Variants in RNF213 observed in about 807,000 individuals in gnomAD.
The protein encoded by RNF213 is ring finger protein 213.
Under a neutral mutation model 514.4 loss-of-function variants are expected in RNF213, and 341 were observed. The ratio of observed to expected loss-of-function variants is 0.66; its 90% CI spans 0.61 to 0.73. RNF213 has a LOEUF of 0.73. Ranked by LOEUF, RNF213 falls within the 30% of genes least tolerant of loss-of-function variation. The pLI is 0.00. For synonymous variants in RNF213, 2,655 were observed against 2,658.2 expected (o/e 1.00, Z 0.04); for missense variants, 5,767 against 6,615.6 (o/e 0.87, Z 4.45).
intron 13 of RNF213, 78 bp downstream of exon 13, chr17:80,307,279 G>T: frequency 8.1e-7 from 1 of 1,234,330 alleles, no homozygotes; most frequent in South Asian, 1.2e-5. Context: ...AATTGGCCGT[G>T]ACCCACATGT....
chr17:80,346,351 CA>C lies in RNF213; in HGVS notation c.8021del (p.Asn2674IlefsTer12). On this transcript the variant is annotated frameshift_variant, in exon 29 of 68. Coordinates refer to ENST00000582970, the MANE Select transcript of RNF213 (RefSeq NM_001256071.3). LOFTEE classifies it high-confidence loss of function. The surrounding 1 kb of genome is among the most constrained non-coding windows in gnomAD (Gnocchi z 8.1). ...NAFLSKSSVS[K>X]NHTERDPVLW... ...CCTTTCTCTCCAAGTCCAGCGTCAG[CA>C]AAAATCACACCGAGAGAGATCCCGT... 3 of 1,613,640 alleles carry C rather than the reference CA, an allele frequency of 1.9e-6. No individual in the cohort carries two copies. Among genetic ancestry groups the C allele is most frequent in the Non-Finnish European group, 2.5e-6 (3 of 1,180,020 alleles).
intron 11 of RNF213, among the ~76,000 whole-genome samples, 168 bp from the exon 12 acceptor site, chr17:80,306,084 C>T (rs1460155916): frequency 1.3e-5 from 2 of 152,138 alleles, no homozygotes; most frequent in Non-Finnish European, 2.9e-5. Context: ...CCCGAGTCAG[C>T]CTCCCAAGTA....
chr17:80,328,312 T>G lies in RNF213; in HGVS notation c.3368-16T>G. The G allele has an allele frequency of 6.5e-7, 1 of 1,533,454 alleles. No homozygotes were observed. 95.0% of individuals were successfully genotyped at this position (1,533,454 alleles called of 1,614,324 possible). A position where few individuals can be genotyped will look rare whatever the true frequency, so the allele number is the denominator to read the frequency against. On this transcript the variant is annotated splice_polypyrimidine_tract_variant and intron_variant, in intron 19 of 67. Transcript: ENST00000582970. ...TTGCTGTATTGGGTTACTTTATTGG[T>G]GTTCTTATTTTCCAGGGGAAAAAAG... is the stretch of plus-strand genomic sequence containing the variant.
At chr17:80,386,537 T>TC in intron 62 of RNF213, 107 bp downstream of exon 62, 1 of 1,426,742 alleles carries the variant, frequency 7.0e-7, no homozygotes, top group Non-Finnish European at 9.8e-7. Flanking sequence ...AGACACTCAC[T>TC]CCTTCAGCCG....
chr17:80,349,781 C>T lies in RNF213; in HGVS notation c.9963C>T (p.Phe3321=), dbSNP rs770035773. The T allele has an allele frequency of 3.1e-6, 5 of 1,614,226 alleles. No individual in the cohort carries two copies. The highest frequency in any genetic ancestry group is 1.7e-6 in the Non-Finnish European group (2 of 1,180,036). Reference sequence around the variant, plus strand: ...TCTTAACTCTGTAGATCACCACTTTCTCCAGGCTGCTAACAAGTCACGACT... The same window carrying T: ...TCTTAACTCTGTAGATCACCACTTTTTCCAGGCTGCTAACAAGTCACGACT... ...RHAIFTEITT[F]SRLLTSHDCE... Residue 3321 remains phenylalanine, a synonymous_variant, in exon 30 of 68, where the codon TTC becomes TTT. Coordinates refer to ENST00000582970, the MANE Select transcript of RNF213 (RefSeq NM_001256071.3).
intron 36 of RNF213, among the ~76,000 whole-genome samples, chr17:80,355,637 G>GGA (rs1568123562): frequency 1.0e-4 from 2 of 19,844 alleles, no homozygotes; most frequent in Non-Finnish European, 8.7e-5. Context: ...GGGCTTACAG[G>GGA]GGAAGAAGCG....
intron 11 of RNF213, among the ~76,000 whole-genome samples, chr17:80,303,428 G>A (rs1181726265): frequency 1.3e-5 from 2 of 152,066 alleles, no homozygotes; most frequent in East Asian, 3.9e-4. Context: ...CAAAGACTGG[G>A]GACAGCAGAA....
rs115385914 is a variant in RNF213 at position 80,358,568 on chromosome 17, C to G, written c.11054+89C>G. 199 of 1,224,910 alleles carry G rather than the reference C, an allele frequency of 1.6e-4. No homozygotes were observed. The African/African-American group carries it at 2.8e-3, about 17-fold the overall frequency. 75.9% of individuals were successfully genotyped at this position (1,224,910 alleles called of 1,614,324 possible). On this transcript the variant is annotated intron_variant, in intron 37 of 67. Transcript: ENST00000582970. Reference sequence around the variant, plus strand: ...GCTCTCCCAAGTGCTGGGTGAAACGCAGCCCTCAACTTCAGAGCAACGTTG... The same window carrying G: ...GCTCTCCCAAGTGCTGGGTGAAACGGAGCCCTCAACTTCAGAGCAACGTTG...
intron 14 of RNF213, among the ~76,000 whole-genome samples, chr17:80,311,517 C>A (rs28528832): frequency 5.3e-5 from 8 of 152,158 alleles, no homozygotes; most frequent in Admixed American, 3.9e-4. Flanking sequence ...TCTAGTCACT[C>A]CTGTGCCCAG....
chr17:80,364,541 C>T lies in RNF213; in HGVS notation c.11859C>T (p.Phe3953=). The change falls in exon 42 of 68, where the codon TTC becomes TTT. Residue 3953 remains phenylalanine, a synonymous_variant. Transcript: ENST00000582970. ...ELQGLVTEHV[F]LLDKCLRENS... ...AGGGGCTGGTGACCGAGCACGTCTT[C>T]TTACTAGACAAGGTGAGTACTTGGG... 1 of 1,614,192 alleles carries T rather than the reference C, an allele frequency of 6.2e-7. No homozygotes were observed. Among genetic ancestry groups the T allele is most frequent in the East Asian group, 2.2e-5 (1 of 44,884 alleles).
intron 3 of RNF213, among the ~76,000 whole-genome samples, chr17:80,279,820 A>T (rs2044195550): frequency 6.6e-6 from 1 of 152,174 alleles, no homozygotes; most frequent in South Asian, 2.1e-4. Flanking sequence ...ACTCACTAAT[A>T]ATATCAAAAA....
chr17:80,322,274 C>A (rs1402799710), intron 17 of RNF213, among the ~76,000 whole-genome samples: 1 of 147,918 alleles, frequency 6.8e-6, no homozygotes, highest in African/African-American at 2.5e-5. Context: ...GGTCCTCCCA[C>A]TTTAGCCTCC....
chr17:80,307,260 G>A, intron 13 of RNF213, 59 bp downstream of exon 13: 2 of 1,495,270 alleles, frequency 1.3e-6, no homozygotes, highest in Non-Finnish European at 1.9e-6. Flanking sequence ...GGCTTCCTCT[G>A]ACCCCTATAA....
intron 46 of RNF213, chr17:80,371,645 G>C (rs1055938669): frequency 3.0e-5 from 13 of 431,576 alleles, no homozygotes; most frequent in African/African-American, 2.6e-4. Context: ...GACTATAAAG[G>C]GGTCCTGAAA....
At position 80,288,260 on chromosome 17, in the gene RNF213, A is replaced by G; in HGVS notation, c.707A>G (p.Asp236Gly). 1 of 1,613,274 alleles carries G rather than the reference A, an allele frequency of 6.2e-7. No homozygotes were observed. The highest frequency in any genetic ancestry group is 1.3e-5 in the African/African-American group (1 of 75,068). Residue 236 changes from aspartate (D) to glycine (G), a missense_variant, in exon 4 of 68, where the codon GAT becomes GGT. By Grantham distance (94) the Asp-to-Gly change is moderately conservative. Coordinates refer to ENST00000582970, the MANE Select transcript of RNF213 (RefSeq NM_001256071.3). This position sits in a 1 kb window ranked among gnomAD's most constrained non-coding sequence, Gnocchi z 4.9. ...GGTGAAGGCCATTCTAGGACTGAAG[A>G]TGCTGCCCAGGAGCTCCTGTTGCCT... ...SAGEGHSRTEDAAQELLLPES... is the reference protein window; with the variant it reads ...SAGEGHSRTEGAAQELLLPES...
intron 36 of RNF213, among the ~76,000 whole-genome samples, chr17:80,356,712 T>TG (rs2078839488): frequency 6.6e-6 from 1 of 152,260 alleles, no homozygotes; most frequent in Non-Finnish European, 1.5e-5. Flanking sequence ...TCCCAGCGCC[T>TG]GGGTTTTCCT....
chr17:80,344,553 C>A, intron 28 of RNF213, 125 bp from the exon 29 acceptor site: 1 of 1,039,250 alleles, frequency 9.6e-7, no homozygotes, highest in Non-Finnish European at 1.5e-6. Flanking sequence ...ATACAGAAAG[C>A]TACATATTTT....
intron 1 of RNF213, among the ~76,000 whole-genome samples, chr17:80,261,616 T>G (rs2145053382): frequency 6.6e-6 from 1 of 152,314 alleles, no homozygotes; most frequent in African/African-American, 2.4e-5. Context: ...GTGTCTGTGC[T>G]TGGGAAAAAA....
intron 14 of RNF213, among the ~76,000 whole-genome samples, chr17:80,309,824 C>G (rs1342052105): frequency 6.6e-6 from 1 of 151,910 alleles, no homozygotes; most frequent in Non-Finnish European, 1.5e-5. Flanking sequence ...GGCGTGATCT[C>G]GGCTTACTGC....
Sources: gnomAD v4.1 joint callset for allele counts (sites outside exome capture counted in the v4.1 genomes callset) on GRCh38, gnomAD v4.1.1 for gene constraint, Gnocchi (gnomAD v3.1) non-coding constraint, MANE v1.5 for transcripts, NCBI Gene and HGNC (gene_info 2026-07-23, HGNC 2026-07-21) for gene names.